The following CCDC102B variants were observed in gnomAD, a reference collection of about 807,000 sequenced individuals.
CCDC102B encodes coiled-coil domain-containing protein 102B.
Under a neutral mutation model 57.4 loss-of-function variants are expected in CCDC102B, and 75 were observed. That is an observed-to-expected ratio of 1.31 (90% CI 1.08 to 1.58). The LOEUF (loss-of-function observed/expected upper bound fraction) is 1.58, where lower values mean the gene tolerates loss of function less well. Ranked by LOEUF, CCDC102B falls within the 40% of genes most tolerant of loss-of-function variation. The pLI is 0.00. For missense variants in CCDC102B, 636 were observed against 582.6 expected, an observed-to-expected ratio of 1.09 and a Z score of -0.94; for synonymous variants, 206 against 201.9, an observed-to-expected ratio of 1.02 and a Z score of -0.17.
intron 2 of CCDC102B, among the ~76,000 whole-genome samples, chr18:68,726,462 T>C (rs2032600186): frequency 6.6e-6 from 1 of 152,248 alleles, no homozygotes; most frequent in African/African-American, 2.4e-5. Context: ...TGATGGACGA[T>C]GGAGACTATC....
chr18:68,826,011 G>A (rs1003213045), intron 1 of CCDC102B, among the ~76,000 whole-genome samples: 8 of 152,158 alleles, frequency 5.3e-5, no homozygotes, highest in Non-Finnish European at 1.0e-4. Context: ...TGAAAACCTA[G>A]AATATTTCTC....
chr18:68,865,309 A>G (rs2038927752), intron 4 of CCDC102B, among the ~76,000 whole-genome samples: 1 of 152,090 alleles, frequency 6.6e-6, no homozygotes, highest in Non-Finnish European at 1.5e-5. Context: ...ACGAAGTGTC[A>G]GTAGATTTTC....
At chr18:68,924,129 TC>T (rs34418145) in intron 6 of CCDC102B, among the ~76,000 whole-genome samples, 19,443 of 149,688 alleles carry the variant, frequency 0.13, 1,643 homozygotes, top group South Asian at 0.28. Flanking sequence ...TTTCCCTTCT[TC>T]CCCCCCAAAA....
intron 1 of CCDC102B, among the ~76,000 whole-genome samples, chr18:68,812,597 G>C (rs1257789146): frequency 6.6e-6 from 1 of 152,162 alleles, no homozygotes; most frequent in Non-Finnish European, 1.5e-5. Flanking sequence ...TTCAGATGTT[G>C]AATATTAATT....
chr18:68,741,749 A>G (rs1599394676), intron 2 of CCDC102B, among the ~76,000 whole-genome samples: 2 of 152,020 alleles, frequency 1.3e-5, no homozygotes, highest in African/African-American at 2.4e-5. Flanking sequence ...TTGCTCATAT[A>G]ACAAGGCTTT....
At chr18:68,928,636 A>C (rs7237884) in intron 6 of CCDC102B, among the ~76,000 whole-genome samples, 4 of 151,856 alleles carry the variant, frequency 2.6e-5, no homozygotes, top group Admixed American at 6.6e-5. Context: ...CCCATACTGG[A>C]GTGGAAAGGG....
chr18:68,839,499 A>G (rs2037530557), intron 3 of CCDC102B, among the ~76,000 whole-genome samples: 1 of 152,192 alleles, frequency 6.6e-6, no homozygotes, highest in Non-Finnish European at 1.5e-5. Context: ...TCTTGAAACA[A>G]ACTTTTCCAA....
chr18:68,798,080 A>G lies in CCDC102B; in HGVS notation c.-117A>G, dbSNP rs1363984473. The G allele has an allele frequency of 6.6e-6, 1 of 152,114 alleles. No homozygotes were observed. The highest frequency in any genetic ancestry group is 1.5e-5 in the Non-Finnish European group (1 of 67,992). 9.4% of individuals were successfully genotyped at this position (152,114 alleles called of 1,614,324 possible). A position where few individuals can be genotyped will look rare whatever the true frequency, so the allele number is the denominator to read the frequency against. On this transcript the variant is annotated 5_prime_UTR_variant, in exon 1 of 8. Transcript: ENST00000360242. The stretch of plus-strand genomic sequence containing the variant: ...AATGCTGGAAATAATCCTGTTGGCT[A>G]GGACTCCAGAACTGTACGGATGAGA...
chr18:68,745,159 G>C (rs1316261411), intron 2 of CCDC102B, among the ~76,000 whole-genome samples: 1 of 152,090 alleles, frequency 6.6e-6, no homozygotes, highest in African/African-American at 2.4e-5. Flanking sequence ...CTTGTAATTT[G>C]AGAAGAAGTG....
chr18:68,777,923 C>T (rs1344437247), intron 2 of CCDC102B, among the ~76,000 whole-genome samples: 2 of 152,010 alleles, frequency 1.3e-5, no homozygotes, highest in African/African-American at 2.4e-5. Flanking sequence ...AGGAAGATTC[C>T]CATTACTTGC....
intron 7 of CCDC102B, among the ~76,000 whole-genome samples, chr18:69,040,698 G>A (rs192460523): frequency 1.3e-5 from 2 of 152,054 alleles, no homozygotes; most frequent in East Asian, 1.9e-4. Context: ...ATATGTCAAC[G>A]TTTTGTGACT....
At chr18:68,955,784 G>C (rs928742948) in intron 6 of CCDC102B, among the ~76,000 whole-genome samples, 1 of 151,632 alleles carries the variant, frequency 6.6e-6, no homozygotes, top group South Asian at 2.1e-4. Flanking sequence ...TAATTTTGTG[G>C]GTACATAGTA....
chr18:68,772,493 A>G (rs1568242230), intron 2 of CCDC102B, among the ~76,000 whole-genome samples: 3 of 152,154 alleles, frequency 2.0e-5, no homozygotes, highest in Non-Finnish European at 4.4e-5. Context: ...GGCTCTCTTC[A>G]TAAGATCTAT....
intron 2 of CCDC102B, among the ~76,000 whole-genome samples, chr18:68,763,693 TC>T (rs1400707384): frequency 2.2e-5 from 2 of 92,562 alleles, no homozygotes; most frequent in Non-Finnish European, 5.0e-5. Context: ...AAACAAATAT[TC>T]CTCAATACAG....
intron 1 of CCDC102B, among the ~76,000 whole-genome samples, chr18:68,808,048 A>T (rs952891364): frequency 6.6e-6 from 1 of 152,144 alleles, no homozygotes; most frequent in Non-Finnish European, 1.5e-5. Flanking sequence ...CCTTCTCAAG[A>T]TTACAAACTC....
At chr18:69,021,756 C>A (rs1456711967) in intron 7 of CCDC102B, among the ~76,000 whole-genome samples, 3 of 152,190 alleles carry the variant, frequency 2.0e-5, no homozygotes, top group Non-Finnish European at 4.4e-5. Flanking sequence ...ACGGTAGCAG[C>A]CTGTGCCTCT....
chr18:68,911,256 C>T (rs183693080), intron 6 of CCDC102B, among the ~76,000 whole-genome samples: 11 of 152,094 alleles, frequency 7.2e-5, no homozygotes, highest in African/African-American at 2.7e-4. Context: ...TATGCAGCCA[C>T]AAAAAAGAAT....
intron 5 of CCDC102B, among the ~76,000 whole-genome samples, chr18:68,892,002 G>T (rs999104721): frequency 6.6e-6 from 1 of 152,096 alleles, no homozygotes; most frequent in African/African-American, 2.4e-5. Flanking sequence ...TAAAAATTAC[G>T]AGTTGTGTAC....
chr18:68,911,746 C>T (rs555180292), intron 6 of CCDC102B, among the ~76,000 whole-genome samples: 333 of 32,784 alleles, frequency 0.01, 1 homozygote, highest in Admixed American at 0.02. Flanking sequence ...AGCGAGACTC[C>T]GTCTCAAAAA....
Sources: gnomAD v4.1 joint callset for allele counts (sites outside exome capture counted in the v4.1 genomes callset) on GRCh38, gnomAD v4.1.1 for gene constraint, MANE v1.5 for transcripts, NCBI Gene and HGNC (gene_info 2026-07-23, HGNC 2026-07-21) for gene names.